The following SLC8A3 variants were observed in gnomAD, a reference collection of about 807,000 sequenced individuals.
The protein encoded by SLC8A3 is sodium/calcium exchanger 3.
In SLC8A3, 37 loss-of-function variants were observed where a neutral mutation model predicts 65.4. That is an observed-to-expected ratio of 0.57 (90% confidence interval 0.44 to 0.74). SLC8A3 has a LOEUF of 0.74. Among genes scored for constraint, SLC8A3 ranks in the 30% least tolerant of loss-of-function variants. SLC8A3 has a pLI of 0.00. For missense variants in SLC8A3, 1,112 were observed against 1,172.1 expected (o/e 0.95, Z 0.75); for synonymous variants, 461 against 444.5 (o/e 1.04, Z -0.47).
At chr14:70,114,473 T>C (rs1195873743) in intron 2 of SLC8A3, among the ~76,000 whole-genome samples, 2 of 152,148 alleles carry the variant, frequency 1.3e-5, no homozygotes, top group African/African-American at 2.4e-5. Flanking sequence ...AACCCAGCTC[T>C]CACATACACC....
At position 70,185,621 on chromosome 14, in the gene SLC8A3, G is replaced by C. The variant is rs114231140; in HGVS notation, c.-63+2758C>G. 2.9e-3 allele frequency among the ~76,000 whole-genome samples: 437 copies of C among 152,322 alleles called. 3 individuals carry two copies. The highest frequency in any genetic ancestry group is 9.8e-3 in the African/African-American group (408 of 41,578). On this transcript the variant is annotated intron_variant, in intron 1 of 6. Transcript: ENST00000356921. ...GTGTAAAGGAGAGCTCAGAAGAGCA[G>C]GAACAGAGAAGGAAAGAATGTAATT...
intron 2 of SLC8A3, among the ~76,000 whole-genome samples, chr14:70,148,144 A>AATAAGCTTTGTTTT (rs1190675651): frequency 2.6e-5 from 4 of 152,226 alleles, no homozygotes; most frequent in Non-Finnish European, 5.9e-5. Context: ...CTTATTTTAA[A>AATAAGCTTTGTTTT]ATAGGCTTTG....
intron 1 of SLC8A3, among the ~76,000 whole-genome samples, chr14:70,180,911 G>A (rs1415456558): frequency 2.0e-5 from 3 of 152,186 alleles, no homozygotes; most frequent in Non-Finnish European, 4.4e-5. Context: ...TGAGTTGACT[G>A]GCCAAGTTGA....
intron 2 of SLC8A3, among the ~76,000 whole-genome samples, chr14:70,130,344 T>C (rs1312043985): frequency 6.6e-6 from 1 of 152,248 alleles, no homozygotes; most frequent in Non-Finnish European, 1.5e-5. Context: ...GGTGTAACAA[T>C]GCTGATGGCT....
At chr14:70,164,544 A>C (rs1171165133) in intron 2 of SLC8A3, among the ~76,000 whole-genome samples, 1 of 152,240 alleles carries the variant, frequency 6.6e-6, no homozygotes, top group African/African-American at 2.4e-5. Flanking sequence ...ATTTGCACCA[A>C]GATATTATAC....
intron 2 of SLC8A3, among the ~76,000 whole-genome samples, chr14:70,064,175 C>T (rs59997265): frequency 4.6e-5 from 7 of 152,206 alleles, no homozygotes; most frequent in Admixed American, 4.6e-4. Flanking sequence ...AGAGCTCAAG[C>T]TTCACAGCCG....
intron 3 of SLC8A3, among the ~76,000 whole-genome samples, chr14:70,053,372 C>T (rs1192727519): frequency 6.6e-6 from 1 of 152,206 alleles, no homozygotes; most frequent in Non-Finnish European, 1.5e-5. Context: ...ATCTAGGGTT[C>T]TGGCTATAGG....
chr14:70,159,067 T>C (rs1415937203), intron 2 of SLC8A3, among the ~76,000 whole-genome samples: 1 of 152,234 alleles, frequency 6.6e-6, no homozygotes, highest in Non-Finnish European at 1.5e-5. Flanking sequence ...GTCTTCAAAC[T>C]TTCTCAAACT....
chr14:70,132,669 A>G (rs1894921722), intron 2 of SLC8A3, among the ~76,000 whole-genome samples: 1 of 152,230 alleles, frequency 6.6e-6, no homozygotes. Context: ...TGATCCTGGC[A>G]ATCTGGTGTT....
At chr14:70,143,869 T>G (rs1895730329) in intron 2 of SLC8A3, among the ~76,000 whole-genome samples, 1 of 152,176 alleles carries the variant, frequency 6.6e-6, no homozygotes, top group South Asian at 2.1e-4. Context: ...AGGTGTATAC[T>G]CATTTCATGG....
chr14:70,065,734 T>A (rs2139868997), intron 2 of SLC8A3, among the ~76,000 whole-genome samples: 1 of 152,320 alleles, frequency 6.6e-6, no homozygotes, highest in South Asian at 2.1e-4. Flanking sequence ...CCCAGTTTGG[T>A]GGTTTGAGAG....
rs1371558276 is a variant in SLC8A3 at position 70,107,141 on chromosome 14, G to T, written c.1785-46202C>A. 6.6e-5 allele frequency among the ~76,000 whole-genome samples: 10 copies of T among 152,194 alleles called. No individual in the cohort carries two copies. In the East Asian group the frequency reaches 1.9e-3, roughly 29 times the overall value. On this transcript the variant is annotated intron_variant, in intron 2 of 6. Coordinates refer to ENST00000356921, the MANE Select transcript of SLC8A3 (RefSeq NM_182932.3). ...TTTGGTTCTGATTTCAACAGAATAT[G>T]ATTTAGACTGATTGGTTTCTATCTC...
chr14:70,081,502 G>T (rs1891047666), intron 2 of SLC8A3, among the ~76,000 whole-genome samples: 1 of 152,184 alleles, frequency 6.6e-6, no homozygotes, highest in South Asian at 2.1e-4. Flanking sequence ...AATCAGGCTG[G>T]ATTGTCTTGT....
chr14:70,055,523 A>G (rs1021170569), intron 3 of SLC8A3, among the ~76,000 whole-genome samples: 1 of 152,144 alleles, frequency 6.6e-6, no homozygotes, highest in Admixed American at 6.5e-5. Context: ...TCTCCTTGTT[A>G]AGCTTAATTT....
intron 6 of SLC8A3, 162 bp downstream of exon 6, chr14:70,048,605 A>G: frequency 1.4e-6 from 1 of 712,574 alleles, no homozygotes; most frequent in South Asian, 1.5e-5. Flanking sequence ...TGTCATTACT[A>G]ATGTCATTAT....
At position 70,115,649 on chromosome 14, in the gene SLC8A3, G is replaced by C. The variant is rs554003105; in HGVS notation, c.1784+50990C>G. On this transcript the variant is annotated intron_variant, in intron 2 of 6. Coordinates refer to ENST00000356921, the MANE Select transcript of SLC8A3 (RefSeq NM_182932.3). ...TAGGAGCAGGTGGAGGCTGTCCTAA[G>C]GGAGCCTGAAAAGTGGGTGGCACAA... 1.3e-5 allele frequency among the ~76,000 whole-genome samples: 2 copies of C among 152,092 alleles called. 1 individual carries two copies. Among genetic ancestry groups the C allele is most frequent in the Admixed American group, 1.3e-4 (2 of 15,284 alleles).
At chr14:70,048,512 C>T (rs755636937) in intron 6 of SLC8A3, 4 of 621,250 alleles carry the variant, frequency 6.4e-6, no homozygotes, top group Admixed American at 5.0e-5. Flanking sequence ...CTTTGGGAAA[C>T]ATTACAGGGG....
intron 1 of SLC8A3, among the ~76,000 whole-genome samples, chr14:70,183,758 A>G (rs2140447653): frequency 6.6e-6 from 1 of 152,378 alleles, no homozygotes; most frequent in South Asian, 2.1e-4. Context: ...GAGAAAGCAG[A>G]TAAGCTATAA....
chr14:70,053,196 G>A (rs889977522), intron 3 of SLC8A3, among the ~76,000 whole-genome samples: 5 of 152,196 alleles, frequency 3.3e-5, no homozygotes, highest in African/African-American at 1.2e-4. Context: ...CCGTGGTGCT[G>A]TCCTTCCTCT....
Sources: gnomAD v4.1 joint callset for allele counts (sites outside exome capture counted in the v4.1 genomes callset) on GRCh38, gnomAD v4.1.1 for gene constraint, MANE v1.5 for transcripts, NCBI Gene and HGNC (gene_info 2026-07-23, HGNC 2026-07-21) for gene names.